ZFR: variants seen among roughly 807,000 people sequenced by gnomAD.
ZFR encodes the protein zinc finger RNA binding protein.
In ZFR, 19 loss-of-function variants were observed where a neutral mutation model predicts 130.7. The observed-to-expected ratio is 0.15, with a 90% CI of 0.10 to 0.21. The LOEUF is 0.21. Ranked by LOEUF, ZFR falls within the 10% of genes least tolerant of loss-of-function variation. The pLI is 1.00. For synonymous variants in ZFR, 466 were observed against 456.9 expected (o/e 1.02, Z -0.25); for missense variants, 872 against 1,321.5 (o/e 0.66, Z 5.27).
intron 17 of ZFR, among the ~76,000 whole-genome samples, chr5:32,378,147 T>A (rs1441375611): frequency 6.6e-6 from 1 of 152,218 alleles, no homozygotes; most frequent in African/African-American, 2.4e-5. Flanking sequence ...TCTTTAACCT[T>A]GATATTTCAG....
intron 10 of ZFR, among the ~76,000 whole-genome samples, chr5:32,395,809 C>T (rs1165643045): frequency 6.6e-6 from 1 of 151,994 alleles, no homozygotes; most frequent in African/African-American, 2.4e-5. Context: ...TTTCTCTTCT[C>T]TAGCTTACTT....
At chr5:32,441,114 C>A (rs1754463540) in intron 2 of ZFR, among the ~76,000 whole-genome samples, 2 of 152,162 alleles carry the variant, frequency 1.3e-5, no homozygotes, top group East Asian at 3.8e-4. Flanking sequence ...GCTGGGATTA[C>A]AGGTGCCCGC....
chr5:32,385,169 CT>C (rs1259705945), intron 15 of ZFR, among the ~76,000 whole-genome samples: 1 of 152,066 alleles, frequency 6.6e-6, no homozygotes, highest in Non-Finnish European at 1.5e-5. Flanking sequence ...TTGTGTCCCC[CT>C]AGTCACTAGC....
intron 8 of ZFR, among the ~76,000 whole-genome samples, chr5:32,401,799 A>C (rs1317011305): frequency 1.3e-5 from 2 of 152,226 alleles, no homozygotes; most frequent in Non-Finnish European, 2.9e-5. Context: ...AGCTCCAAGG[A>C]AGAGACTTTT....
chr5:32,413,323 TAAC>T (rs1581705095), intron 5 of ZFR, among the ~76,000 whole-genome samples: 2 of 152,086 alleles, frequency 1.3e-5, no homozygotes, highest in Non-Finnish European at 2.9e-5. Context: ...GCAATCACAG[TAAC>T]AATAAAGCAG....
At chr5:32,383,178 C>CA (rs1392592522) in intron 15 of ZFR, among the ~76,000 whole-genome samples, 3 of 152,104 alleles carry the variant, frequency 2.0e-5, no homozygotes, top group Non-Finnish European at 4.4e-5. Flanking sequence ...ACAAAACAAA[C>CA]AAAACAGCCA....
chr5:32,363,917 A>G lies in ZFR; in HGVS notation c.3045+31T>C, dbSNP rs770699403. Reference sequence around the variant, plus strand: ...AAATAAAACCTTAATGGAGTAACCCAATAGGGCTCTGAATTTAGGAATACC... The same window carrying G: ...AAATAAAACCTTAATGGAGTAACCCGATAGGGCTCTGAATTTAGGAATACC... On this transcript the variant is annotated intron_variant, in intron 19 of 19. Transcript: ENST00000265069. 44 of 1,583,976 alleles carry G rather than the reference A, an allele frequency of 2.8e-5. No individual in the cohort carries two copies. The Admixed American group carries it at 5.7e-4, about 21-fold the overall frequency.
intron 19 of ZFR, 127 bp downstream of exon 19, chr5:32,363,821 T>C (rs1003338049): frequency 1.9e-5 from 13 of 693,760 alleles, no homozygotes; most frequent in Admixed American, 3.5e-5. Context: ...TTCTAGGGGC[T>C]TGCTTACTAC....
chr5:32,433,254 A>G (rs1754261976), intron 2 of ZFR, among the ~76,000 whole-genome samples: 1 of 152,232 alleles, frequency 6.6e-6, no homozygotes, highest in African/African-American at 2.4e-5. Flanking sequence ...TTTAACAAAT[A>G]ATTTCCATTA....
chr5:32,369,904 C>T (rs543613026), intron 17 of ZFR, among the ~76,000 whole-genome samples: 18 of 152,070 alleles, frequency 1.2e-4, no homozygotes, highest in African/African-American at 3.4e-4. Flanking sequence ...TCTCCATTAC[C>T]GCAAAGTAAA....
chr5:32,356,385 G>T (rs1200374515), intron 19 of ZFR, among the ~76,000 whole-genome samples: 1 of 152,064 alleles, frequency 6.6e-6, no homozygotes, highest in Admixed American at 6.6e-5. Context: ...TTTTCTACTG[G>T]TAAACACTAG....
At chr5:32,373,492 T>A (rs1048641737) in intron 17 of ZFR, among the ~76,000 whole-genome samples, 1 of 152,174 alleles carries the variant, frequency 6.6e-6, no homozygotes, top group Non-Finnish European at 1.5e-5. Flanking sequence ...CCAAAACTCT[T>A]GTGTTCGTCT....
At chr5:32,402,853 T>C (rs1004687850) in intron 8 of ZFR, among the ~76,000 whole-genome samples, 3 of 151,612 alleles carry the variant, frequency 2.0e-5, no homozygotes, top group Non-Finnish European at 4.4e-5. Context: ...AGGGTCTTTG[T>C]GTGTGCAGAT....
chr5:32,427,396 A>AAAG (rs1754097753), intron 2 of ZFR, among the ~76,000 whole-genome samples: 1 of 145,238 alleles, frequency 6.9e-6, no homozygotes, highest in African/African-American at 2.5e-5. Flanking sequence ...AAAAAAAAAA[A>AAAG]GGAAAAGAAA....
chr5:32,385,772 A>AC, intron 14 of ZFR, 123 bp from the exon 15 acceptor site: 1 of 984,808 alleles, frequency 1.0e-6, no homozygotes, highest in Non-Finnish European at 1.5e-6. Flanking sequence ...CAGATTATAT[A>AC]CTGCTCCTTC....
At chr5:32,401,654 T>C (rs1012590412) in intron 8 of ZFR, among the ~76,000 whole-genome samples, 5 of 152,154 alleles carry the variant, frequency 3.3e-5, no homozygotes, top group Admixed American at 3.3e-4. Flanking sequence ...ATGGGCCTTA[T>C]ATGACAAATG....
At chr5:32,358,200 T>C (rs1752352269) in intron 19 of ZFR, among the ~76,000 whole-genome samples, 2 of 152,030 alleles carry the variant, frequency 1.3e-5, no homozygotes, top group South Asian at 2.1e-4. Context: ...CTACTAAAAA[T>C]AGAAAAATTA....
intron 2 of ZFR, among the ~76,000 whole-genome samples, chr5:32,423,544 G>A (rs1232251506): frequency 6.6e-6 from 1 of 151,918 alleles, no homozygotes; most frequent in Admixed American, 6.6e-5. Context: ...AGAAGATAAA[G>A]TTGAGAAATA....
intron 2 of ZFR, among the ~76,000 whole-genome samples, chr5:32,424,666 C>T (rs1754032369): frequency 6.6e-6 from 1 of 152,036 alleles, no homozygotes; most frequent in South Asian, 2.1e-4. Flanking sequence ...GGAAAAAATC[C>T]ATTTGAACTT....
Sources: gnomAD v4.1 joint callset for allele counts (sites outside exome capture counted in the v4.1 genomes callset) on GRCh38, gnomAD v4.1.1 for gene constraint, MANE v1.5 for transcripts, NCBI Gene and HGNC (gene_info 2026-07-23, HGNC 2026-07-21) for gene names.